The following STIL variants were observed in gnomAD, a reference collection of about 807,000 sequenced individuals.
The protein encoded by STIL is STIL centriolar assembly protein, also known as SCL-interrupting locus protein.
In STIL, 55 loss-of-function variants were observed where a neutral mutation model predicts 110.1. That is an observed-to-expected ratio of 0.50 (90% CI 0.40 to 0.63). The LOEUF (loss-of-function observed/expected upper bound fraction) is 0.63, where lower values mean the gene tolerates loss of function less well. Among genes scored for constraint, STIL ranks in the 20% least tolerant of loss-of-function variants. The pLI, the probability that STIL is intolerant of heterozygous loss-of-function variation, is 0.00. For missense variants in STIL, 1,358 were observed against 1,530.0 expected, an observed-to-expected ratio of 0.89 and a Z score of 1.87; for synonymous variants, 481 against 530.0, an observed-to-expected ratio of 0.91 and a Z score of 1.27.
At chr1:47,275,215 AAT>A (rs946445047) in intron 12 of STIL, among the ~76,000 whole-genome samples, 1 of 152,080 alleles carries the variant, frequency 6.6e-6, no homozygotes, top group African/African-American at 2.4e-5. Flanking sequence ...TTATTAAATA[AAT>A]ATGTGAGTCC....
At chr1:47,311,379 A>G (rs1646122004) in intron 1 of STIL, among the ~76,000 whole-genome samples, 1 of 148,916 alleles carries the variant, frequency 6.7e-6, no homozygotes, top group African/African-American at 2.5e-5. Context: ...CCACCACCTG[A>G]GCTCAGGTGA....
At chr1:47,295,418 A>G (rs971855525) in intron 7 of STIL, among the ~76,000 whole-genome samples, 1 of 151,882 alleles carries the variant, frequency 6.6e-6, no homozygotes, top group African/African-American at 2.4e-5. Flanking sequence ...CGTCTCTACT[A>G]AAAAAGCAAA....
chr1:47,274,488 G>A (rs1644930473), intron 12 of STIL, among the ~76,000 whole-genome samples: 1 of 147,260 alleles, frequency 6.8e-6, no homozygotes, highest in South Asian at 2.3e-4. Context: ...CTAATTTTTT[G>A]TATTTTTTTT....
intron 12 of STIL, among the ~76,000 whole-genome samples, chr1:47,279,370 C>T (rs975447545): frequency 1.3e-5 from 2 of 151,156 alleles, no homozygotes; most frequent in Non-Finnish European, 2.9e-5. Context: ...TTTAAAACTA[C>T]ATTTCAGGTT....
intron 6 of STIL, 35 bp from the exon 7 acceptor site, chr1:47,295,883 AT>A: frequency 6.8e-7 from 1 of 1,474,182 alleles, no homozygotes; most frequent in Non-Finnish European, 9.5e-7. Context: ...AATAACTGAA[AT>A]TATGTACTTT....
chr1:47,269,439 T>C (rs1015267097), intron 14 of STIL, among the ~76,000 whole-genome samples, 196 bp downstream of exon 14: 1 of 152,202 alleles, frequency 6.6e-6, no homozygotes, highest in African/African-American at 2.4e-5. Context: ...AAATTGCTAA[T>C]AGTAGACTTC....
intron 1 of STIL, among the ~76,000 whole-genome samples, chr1:47,312,218 C>T (rs762289026): frequency 4.0e-5 from 6 of 151,240 alleles, no homozygotes; most frequent in Non-Finnish European, 7.4e-5. Context: ...AGGCCGGACA[C>T]GGTAGCTCAC....
At chr1:47,308,830 G>T (rs1383211733) in intron 2 of STIL, among the ~76,000 whole-genome samples, 2 of 152,154 alleles carry the variant, frequency 1.3e-5, no homozygotes, top group Non-Finnish European at 2.9e-5. Context: ...GAGGTGGGCA[G>T]ATCACTTGAG....
intron 16 of STIL, among the ~76,000 whole-genome samples, chr1:47,253,656 C>T (rs1644248470): frequency 6.6e-6 from 1 of 152,114 alleles, no homozygotes; most frequent in Non-Finnish European, 1.5e-5. Flanking sequence ...TATTCAGTAA[C>T]TTGGATTTTT....
chr1:47,282,143 T>C (rs774415852), intron 11 of STIL, among the ~76,000 whole-genome samples: 8 of 152,108 alleles, frequency 5.3e-5, no homozygotes, highest in Non-Finnish European at 1.2e-4. Context: ...CATATGTATA[T>C]ATCATTACAT....
chr1:47,290,388 G>C (rs1570213150), intron 8 of STIL, among the ~76,000 whole-genome samples: 1 of 152,300 alleles, frequency 6.6e-6, no homozygotes, highest in East Asian at 1.9e-4. Context: ...TATAGAGAGA[G>C]AGCTTGCTAG....
In STIL at chr1:47,280,345, G is replaced by A. The variant is rs749212333; in HGVS notation, c.2113C>T (p.His705Tyr). ...TTATCTGACTCAGTCTTGGGTGTGT[G>A]CATGCACACTGTGCAAGGCTGTGGG... ...CNPQPCTVCM[H>Y]TPKTESDNGM... The change falls in exon 12 of 17, where the codon CAC (histidine) becomes TAC (tyrosine). Residue 705 changes from histidine (H) to tyrosine (Y), a missense_variant. Physicochemically the swap from His to Tyr is moderately conservative, Grantham distance 83. Transcript: ENST00000371877. 1 of 1,614,242 alleles carries A rather than the reference G, an allele frequency of 6.2e-7. No individual in the cohort carries two copies. The highest frequency in any genetic ancestry group is 1.1e-5 in the South Asian group (1 of 91,088).
intron 15 of STIL, among the ~76,000 whole-genome samples, chr1:47,260,808 C>G (rs1265843123): frequency 6.6e-6 from 1 of 152,108 alleles, no homozygotes; most frequent in Admixed American, 6.6e-5. Flanking sequence ...GCTGAGGCTG[C>G]AGTTAGCCGT....
chr1:47,272,849 A>G (rs942980695), intron 12 of STIL, among the ~76,000 whole-genome samples: 1 of 152,200 alleles, frequency 6.6e-6, no homozygotes, highest in Non-Finnish European at 1.5e-5. Flanking sequence ...GTTAGATTGG[A>G]GGTATACTCT....
In STIL at chr1:47,304,889, C is replaced by T. The variant is rs1183613945; in HGVS notation, c.152G>A (p.Arg51Lys). Residue 51 changes from arginine to lysine, a missense_variant and splice_region_variant, in exon 3 of 17, where the codon AGA (arginine) becomes AAA (lysine). By Grantham distance (26) the Arg-to-Lys change is conservative. Coordinates refer to ENST00000371877, the MANE Select transcript of STIL (RefSeq NM_001048166.1). ...TTTGAAAAAAAGAAACATGTTATAC[C>T]TGTAGTAACTGAGATGTAAGTAGAT... is the stretch of plus-strand genomic sequence containing the variant. The part of the protein sequence containing the change: ...DFIYLHLSYY[R>K]NPKLVVTEKT... The T allele has an allele frequency of 1.2e-6, 2 of 1,600,704 alleles. No homozygotes were observed. The highest frequency in any genetic ancestry group is 2.2e-5 in the East Asian group (1 of 44,768).
At chr1:47,313,933 G>C (rs1158093316) in intron 1 of STIL, 103 bp downstream of exon 1, 1 of 152,340 alleles carries the variant, frequency 6.6e-6, no homozygotes, top group Non-Finnish European at 1.5e-5. Context: ...CAGGCTCCTG[G>C]AGGGCGGAAC....
chr1:47,254,987 C>G (rs1644290139), intron 16 of STIL, among the ~76,000 whole-genome samples: 1 of 152,126 alleles, frequency 6.6e-6, no homozygotes, highest in Non-Finnish European at 1.5e-5. Context: ...GATATCATTA[C>G]TTTAATAGCA....
rs113876690 is a variant in STIL at position 47,260,131 on chromosome 1, C to T, written c.3080+158G>A. Among the ~76,000 whole-genome samples, 415 of 152,258 alleles carry T rather than the reference C, an allele frequency of 2.7e-3. 3 individuals carry two copies. Among genetic ancestry groups the T allele is most frequent in the African/African-American group, 9.1e-3 (380 of 41,548 alleles). ...TGCATATGGTAGGCCCTGAATAAAT[C>T]GTGAATCAACTCAATTGAGGCACAA... On this transcript the variant is annotated intron_variant, in intron 16 of 16. Transcript: ENST00000371877.
chr1:47,284,000 G>A (rs1385863428), intron 10 of STIL: 1 of 152,158 alleles, frequency 6.6e-6, no homozygotes, highest in Non-Finnish European at 1.5e-5. Context: ...CAAGGTTCAA[G>A]TGATTCTTGA....
Sources: gnomAD v4.1 joint callset for allele counts (sites outside exome capture counted in the v4.1 genomes callset) on GRCh38, gnomAD v4.1.1 for gene constraint, MANE v1.5 for transcripts, NCBI Gene and HGNC (gene_info 2026-07-23, HGNC 2026-07-21) for gene names.